Variants in SKAP1 observed in about 807,000 individuals in gnomAD.
The protein encoded by SKAP1 is src kinase associated phosphoprotein 1.
A neutral mutation model predicts 58.5 loss-of-function variants in SKAP1; 44 were observed. That is an observed-to-expected ratio of 0.75 (90% confidence interval 0.59 to 0.97). SKAP1 has a LOEUF of 0.97. SKAP1 is among the 50% of genes least tolerant of loss of function. The pLI is 0.00. For synonymous variants in SKAP1, 127 were observed against 149.7 expected (o/e 0.85, Z 1.11); for missense variants, 390 against 435.2 (o/e 0.90, Z 0.92).
intron 4 of SKAP1, among the ~76,000 whole-genome samples, chr17:48,226,684 T>C (rs1265073906): frequency 1.3e-5 from 2 of 152,212 alleles, no homozygotes; most frequent in African/African-American, 4.8e-5. Context: ...TTACTGTGCA[T>C]AGATCTATCA....
chr17:48,374,517 C>T (rs1281199361), intron 2 of SKAP1, among the ~76,000 whole-genome samples: 1 of 152,154 alleles, frequency 6.6e-6, no homozygotes, highest in Non-Finnish European at 1.5e-5. Flanking sequence ...AAAATGGAAT[C>T]TTAGGATTCA....
chr17:48,360,969 G>A (rs143552920), intron 3 of SKAP1, among the ~76,000 whole-genome samples: 3 of 151,892 alleles, frequency 2.0e-5, no homozygotes, highest in Non-Finnish European at 2.9e-5. Context: ...ATGGGCTCTC[G>A]ACCTCTGGAG....
upstream of SKAP1, among the ~76,000 whole-genome samples, chr17:48,430,654 C>T (rs28413063): frequency 0.092 from 14,017 of 152,252 alleles, 987 homozygotes; most frequent in African/African-American, 0.17. Context: ...GGCAAAACTT[C>T]GCTCTTTGGG....
intron 4 of SKAP1, among the ~76,000 whole-genome samples, chr17:48,198,454 CAAAAA>C (rs55958821): frequency 2.0e-5 from 1 of 49,946 alleles, no homozygotes; most frequent in Admixed American, 3.6e-4. Context: ...GACTCCGTCT[CAAAAA>C]AAAAAAAAAA....
chr17:48,243,499 T>C (rs1243959404), intron 4 of SKAP1, among the ~76,000 whole-genome samples: 1 of 152,194 alleles, frequency 6.6e-6, no homozygotes, highest in Non-Finnish European at 1.5e-5. Context: ...AACAAAATCC[T>C]GTTTTTGCAA....
At chr17:48,214,704 T>C (rs1394599215) in intron 4 of SKAP1, among the ~76,000 whole-genome samples, 1 of 151,038 alleles carries the variant, frequency 6.6e-6, no homozygotes, top group Admixed American at 6.6e-5. Flanking sequence ...GGCAGATCAC[T>C]GGAGGTCAGG....
intron 2 of SKAP1, among the ~76,000 whole-genome samples, chr17:48,370,982 G>A (rs1284160291): frequency 6.6e-6 from 1 of 152,134 alleles, no homozygotes; most frequent in African/African-American, 2.4e-5. Context: ...TTTTCAACAA[G>A]ATGGATGCAG....
intron 10 of SKAP1, among the ~76,000 whole-genome samples, chr17:48,170,404 C>G (rs2064192440): frequency 6.6e-6 from 1 of 152,198 alleles, no homozygotes; most frequent in Non-Finnish European, 1.5e-5. Flanking sequence ...GTTCTGGGAA[C>G]ATTAATTAAA....
At chr17:48,265,617 T>C (rs560530285) in intron 4 of SKAP1, among the ~76,000 whole-genome samples, 1 of 152,360 alleles carries the variant, frequency 6.6e-6, no homozygotes, top group South Asian at 2.1e-4. Flanking sequence ...GACGTGGTAC[T>C]TAAAAATCAG....
chr17:48,343,464 C>T (rs887640708), intron 4 of SKAP1, among the ~76,000 whole-genome samples: 2 of 152,176 alleles, frequency 1.3e-5, no homozygotes, highest in African/African-American at 4.8e-5. Context: ...CACATTTAAA[C>T]AGTATCACAT....
chr17:48,193,014 T>G (rs1348677658), intron 4 of SKAP1, among the ~76,000 whole-genome samples: 3 of 152,172 alleles, frequency 2.0e-5, no homozygotes. Context: ...TTTTTGTGTA[T>G]AGTCAGTAAG....
intron 4 of SKAP1, among the ~76,000 whole-genome samples, chr17:48,319,398 A>G (rs2144214592): frequency 6.6e-6 from 1 of 152,326 alleles, no homozygotes; most frequent in East Asian, 1.9e-4. Flanking sequence ...TTAAAAAGAA[A>G]GAAAGAATTG....
intron 4 of SKAP1, among the ~76,000 whole-genome samples, chr17:48,296,216 G>GA (rs899563648): frequency 1.2e-4 from 18 of 150,408 alleles, no homozygotes; most frequent in East Asian, 9.7e-4. Context: ...GGTTTGGAAA[G>GA]AAAAAAAAAC....
intron 11 of SKAP1, among the ~76,000 whole-genome samples, chr17:48,160,416 C>T (rs1011472789): frequency 1.3e-5 from 2 of 151,860 alleles, no homozygotes; most frequent in Non-Finnish European, 2.9e-5. Context: ...GGATCACAGG[C>T]GTAAGCCACC....
At chr17:48,159,927 T>C (rs2064043511) in intron 11 of SKAP1, among the ~76,000 whole-genome samples, 1 of 152,170 alleles carries the variant, frequency 6.6e-6, no homozygotes, top group Non-Finnish European at 1.5e-5. Flanking sequence ...TCATTTCCTC[T>C]TTGATATGCA....
intron 1 of SKAP1, among the ~76,000 whole-genome samples, chr17:48,413,058 CA>C (rs34391254): frequency 4.9e-4 from 70 of 142,122 alleles, no homozygotes; most frequent in East Asian, 1.4e-3. Flanking sequence ...AGCATATAAC[CA>C]AAAAAAAAAA....
chr17:48,296,312 C>T (rs1004171887), intron 4 of SKAP1, among the ~76,000 whole-genome samples: 3 of 151,964 alleles, frequency 2.0e-5, no homozygotes, highest in African/African-American at 7.3e-5. Context: ...TGCATGACTG[C>T]GCTGGAGAAA....
At chr17:48,141,651 A>C (rs2063768967) in intron 11 of SKAP1, among the ~76,000 whole-genome samples, 1 of 152,182 alleles carries the variant, frequency 6.6e-6, no homozygotes, top group Non-Finnish European at 1.5e-5. Flanking sequence ...TACTGGGAAT[A>C]CAGGCATGAG....
At chr17:48,191,132 T>C (rs1246737055) in intron 4 of SKAP1, among the ~76,000 whole-genome samples, 2 of 152,240 alleles carry the variant, frequency 1.3e-5, no homozygotes, top group African/African-American at 4.8e-5. Context: ...ACAAATTTAT[T>C]GAGAAGTCAA....
Sources: gnomAD v4.1 joint callset for allele counts (sites outside exome capture counted in the v4.1 genomes callset) on GRCh38, gnomAD v4.1.1 for gene constraint, MANE v1.5 for transcripts, NCBI Gene and HGNC (gene_info 2026-07-23, HGNC 2026-07-21) for gene names.